The following SHTN1 variants were observed in gnomAD, a reference collection of about 807,000 sequenced individuals.
The protein encoded by SHTN1 is shootin 1.
Under a neutral mutation model 83.1 loss-of-function variants are expected in SHTN1, and 42 were observed. That is an observed-to-expected ratio of 0.51 (90% CI 0.39 to 0.65). The LOEUF is 0.65. Among genes scored for constraint, SHTN1 ranks in the 30% least tolerant of loss-of-function variants. The pLI, the probability that SHTN1 is intolerant of heterozygous loss-of-function variation, is 0.00. For synonymous variants in SHTN1, 224 were observed against 247.7 expected (o/e 0.90, Z 0.90); for missense variants, 622 against 737.8 (o/e 0.84, Z 1.82).
chr10:117,085,896 G>C (rs1230238599), intron 1 of SHTN1, among the ~76,000 whole-genome samples: 2 of 147,258 alleles, frequency 1.4e-5, no homozygotes, highest in Non-Finnish European at 3.0e-5. Flanking sequence ...AATTTTCCTT[G>C]ATCTAAAGTC....
At chr10:116,909,581 A>G (rs1176542567) in intron 14 of SHTN1, among the ~76,000 whole-genome samples, 4 of 152,182 alleles carry the variant, frequency 2.6e-5, no homozygotes, top group African/African-American at 9.6e-5. Context: ...TGGACTATAC[A>G]TATTTTTATC....
At chr10:117,044,030 A>G (rs1041221478) in intron 2 of SHTN1, among the ~76,000 whole-genome samples, 9 of 152,174 alleles carry the variant, frequency 5.9e-5, no homozygotes, top group African/African-American at 2.2e-4. Context: ...TTATTTTATT[A>G]ATCTGTAGTT....
chr10:117,084,776 T>C (rs1853324062), intron 1 of SHTN1, among the ~76,000 whole-genome samples: 1 of 152,140 alleles, frequency 6.6e-6, no homozygotes, highest in East Asian at 1.9e-4. Flanking sequence ...AGCGCAGTAT[T>C]TGGGTGGGAG....
At chr10:117,003,605 TGGACAGGAC>T (rs1851897583) in intron 1 of SHTN1, among the ~76,000 whole-genome samples, 3 of 151,968 alleles carry the variant, frequency 2.0e-5, no homozygotes, top group African/African-American at 7.3e-5. Flanking sequence ...GTAAGAGTAC[TGGACAGGAC>T]CTCAGAAAGT....
intron 14 of SHTN1, among the ~76,000 whole-genome samples, chr10:116,907,744 A>G (rs1387330051): frequency 6.6e-6 from 1 of 152,202 alleles, no homozygotes; most frequent in East Asian, 1.9e-4. Context: ...AGAACCATAC[A>G]TAATCTTTTG....
At chr10:117,045,862 G>A (rs1210537602) in intron 2 of SHTN1, among the ~76,000 whole-genome samples, 3 of 152,226 alleles carry the variant, frequency 2.0e-5, no homozygotes, top group South Asian at 2.1e-4. Context: ...AATATGCTAA[G>A]GGTTCTAATG....
In SHTN1 at chr10:116,953,633, T is replaced by G. The variant is rs940250172; in HGVS notation, c.436+409A>C. On this transcript the variant is annotated intron_variant, in intron 5 of 16. Transcript: ENST00000355371. ...TCAGTTTTGTGTTTTGTTTTTTTTT[T>G]TTTTTTTTTTTTGAGACAGAGTCTC... 2.7e-4 allele frequency among the ~76,000 whole-genome samples: 38 copies of G among 141,580 alleles called. 1 individual carries two copies. Among genetic ancestry groups the G allele is most frequent in the East Asian group, 1.4e-3 (7 of 4,876 alleles). The allele number at this position is 141,580 out of a possible 152,430, so 92.9% of individuals were successfully genotyped here.
At chr10:117,015,566 G>A (rs887888511) in intron 2 of SHTN1, among the ~76,000 whole-genome samples, 2 of 152,122 alleles carry the variant, frequency 1.3e-5, no homozygotes, top group African/African-American at 4.8e-5. Context: ...TCCAACCTCA[G>A]GTAATTCGCC....
At chr10:117,027,959 G>GA (rs1176477121) in intron 2 of SHTN1, among the ~76,000 whole-genome samples, 1 of 152,220 alleles carries the variant, frequency 6.6e-6, no homozygotes, top group Non-Finnish European at 1.5e-5. Context: ...AAGACAGGAA[G>GA]ATGAGGGAAT....
intron 9 of SHTN1, among the ~76,000 whole-genome samples, chr10:116,938,809 T>G (rs553093632): frequency 6.6e-6 from 1 of 152,300 alleles, no homozygotes; most frequent in East Asian, 1.9e-4. Context: ...AGATGGGAGT[T>G]TTATCTACAA....
intron 16 of SHTN1, among the ~76,000 whole-genome samples, chr10:116,888,556 C>T (rs985877128): frequency 6.6e-5 from 10 of 152,210 alleles, no homozygotes; most frequent in African/African-American, 2.4e-4. Flanking sequence ...ACCTATCTCT[C>T]TCTCACAAGC....
chr10:116,963,768 T>C (rs1184179262), intron 3 of SHTN1, among the ~76,000 whole-genome samples: 4 of 152,294 alleles, frequency 2.6e-5, no homozygotes, highest in Non-Finnish European at 4.4e-5. Context: ...CGTTAAATTA[T>C]TTTCCCGCCT....
chr10:116,947,743 T>G (rs1170172284), intron 7 of SHTN1, among the ~76,000 whole-genome samples: 1 of 152,182 alleles, frequency 6.6e-6, no homozygotes, highest in African/African-American at 2.4e-5. Context: ...CAGGTATTTA[T>G]TTATATAATT....
intron 1 of SHTN1, among the ~76,000 whole-genome samples, chr10:117,101,027 T>C (rs1044774692): frequency 5.9e-5 from 9 of 152,286 alleles, no homozygotes; most frequent in Non-Finnish European, 8.8e-5. Context: ...CCTAAGAAGG[T>C]TGAGAAACCC....
chr10:117,025,167 G>A (rs1194931708), intron 2 of SHTN1, among the ~76,000 whole-genome samples: 3 of 152,198 alleles, frequency 2.0e-5, no homozygotes, highest in African/African-American at 4.8e-5. Context: ...AGGCACTGGA[G>A]AGGTAGGAAA....
rs1239689639 is a variant in SHTN1 at position 116,884,167 on chromosome 10, G to A, written c.*2177C>T. The stretch of plus-strand genomic sequence containing the variant: ...AATTGTGTAAGCAGGACGTATGTAA[G>A]TTTTGTGTGTGCAATAGCTATGAAC... On this transcript the variant is annotated 3_prime_UTR_variant, in exon 17 of 17. Coordinates refer to ENST00000355371, the MANE Select transcript of SHTN1 (RefSeq NM_001127211.3). 1 of 454,442 alleles carries A rather than the reference G, an allele frequency of 2.2e-6. No individual in the cohort carries two copies. The highest frequency in any genetic ancestry group is 2.0e-5 in the African/African-American group (1 of 50,052). 28.2% of individuals were successfully genotyped at this position (454,442 alleles called of 1,614,324 possible). A position where few individuals can be genotyped will look rare whatever the true frequency, so the allele number is the denominator to read the frequency against.
chr10:117,044,849 A>C (rs1852638679), intron 2 of SHTN1, among the ~76,000 whole-genome samples: 1 of 152,158 alleles, frequency 6.6e-6, no homozygotes, highest in East Asian at 1.9e-4. Flanking sequence ...TGAAAGTCCT[A>C]ATTTTGGCAT....
At position 116,885,854 on chromosome 10, in the gene SHTN1, G is replaced by A. The variant is rs1847148165; in HGVS notation, c.*490C>T. 6.4e-6 allele frequency: 1 copy of A among 156,362 alleles called. No individual in the cohort carries two copies. The highest frequency in any genetic ancestry group is 6.2e-5 in the Admixed American group (1 of 16,026). 9.7% of individuals were successfully genotyped at this position (156,362 alleles called of 1,614,324 possible). ...CTCAGTCTACTGTAGAAAATAACTT[G>A]TATGCCACAGTACCCAACAATTTCC... On this transcript the variant is annotated 3_prime_UTR_variant, in exon 17 of 17. Coordinates refer to ENST00000355371, the MANE Select transcript of SHTN1 (RefSeq NM_001127211.3).
chr10:117,081,454 T>G (rs1274985820), intron 1 of SHTN1, among the ~76,000 whole-genome samples: 1 of 143,248 alleles, frequency 7.0e-6, no homozygotes, highest in Non-Finnish European at 1.5e-5. Context: ...TTATTGAGGA[T>G]TTTTGCATCA....
Sources: allele counts gnomAD v4.1 joint callset (sites outside exome capture counted in the v4.1 genomes callset), GRCh38; gene constraint gnomAD v4.1.1; transcripts MANE v1.5; gene names NCBI Gene and HGNC (gene_info 2026-07-23, HGNC 2026-07-21).